Variants in UBE2E2 observed in about 807,000 individuals in gnomAD.
UBE2E2 encodes the protein ubiquitin conjugating enzyme E2 E2, also known as ubiquitin-conjugating enzyme E2 E2.
In UBE2E2, 6 loss-of-function variants were observed where a neutral mutation model predicts 24.7. The observed-to-expected ratio is 0.24, with a 90% CI of 0.13 to 0.48. UBE2E2 has a LOEUF of 0.48. UBE2E2 is among the 20% of genes least tolerant of loss of function. UBE2E2 has a pLI of 0.99. For missense variants in UBE2E2, 169 were observed against 245.0 expected (o/e 0.69, Z 2.07); for synonymous variants, 104 against 83.6 (o/e 1.24, Z -1.33).
chr3:23,255,559 A>G (rs551597433), intron 3 of UBE2E2, among the ~76,000 whole-genome samples: 3 of 152,186 alleles, frequency 2.0e-5, no homozygotes, highest in Admixed American at 6.6e-5. Context: ...GGATTGAGAA[A>G]TAAAGTTGTA....
chr3:23,483,686 T>G (rs573357152), intron 3 of UBE2E2, among the ~76,000 whole-genome samples: 106 of 152,344 alleles, frequency 7.0e-4, no homozygotes, highest in African/African-American at 2.5e-3. Flanking sequence ...CAGTGCTGCT[T>G]CTTACTGGAC....
chr3:23,331,534 T>G (rs1017528087), intron 3 of UBE2E2, among the ~76,000 whole-genome samples: 4 of 151,616 alleles, frequency 2.6e-5, no homozygotes, highest in Admixed American at 2.6e-4. Context: ...TGATTTCAGA[T>G]AGGGTGATCA....
intron 3 of UBE2E2, among the ~76,000 whole-genome samples, chr3:23,325,220 G>GT (rs201629457): frequency 1.5e-4 from 22 of 150,870 alleles, no homozygotes; most frequent in Middle Eastern, 3.4e-3. Flanking sequence ...GCTATTGTGT[G>GT]TTTTTTTTTC....
rs1032703242 is a variant in UBE2E2, at chr3:23,339,733, C to G, written c.227+122421C>G. Among the ~76,000 whole-genome samples the G allele has an allele frequency of 5.3e-5, 8 of 151,896 alleles. No individual in the cohort carries two copies. The East Asian group carries it at 1.5e-3, about 29-fold the overall frequency. ...GGATTTTTTTTTAAATCTTCCCATT[C>G]TCTTAAACATTGTCTTGGGAACAGA... On this transcript the variant is annotated intron_variant, in intron 3 of 5. Coordinates refer to ENST00000396703, the MANE Select transcript of UBE2E2 (RefSeq NM_152653.4).
chr3:23,268,771 C>G (rs1698139465), intron 3 of UBE2E2, among the ~76,000 whole-genome samples: 1 of 148,956 alleles, frequency 6.7e-6, no homozygotes, highest in Non-Finnish European at 1.5e-5. Flanking sequence ...AAGAACGAAG[C>G]TGGAGGCATC....
At chr3:23,255,079 CTTTTTTTTTTTTT>C (rs202015038) in intron 3 of UBE2E2, among the ~76,000 whole-genome samples, 8 of 85,948 alleles carry the variant, frequency 9.3e-5, no homozygotes, top group Non-Finnish European at 1.5e-4. Context: ...GAGTAACTTC[CTTTTTTTTTTTTT>C]TTTTTTTTTT....
intron 3 of UBE2E2, among the ~76,000 whole-genome samples, chr3:23,239,241 C>A (rs1697195187): frequency 6.6e-6 from 1 of 152,096 alleles, no homozygotes; most frequent in East Asian, 1.9e-4. Flanking sequence ...TTGTCTCATG[C>A]CCTAAGAAGG....
At chr3:23,566,473 A>G (rs540344815) in intron 5 of UBE2E2, among the ~76,000 whole-genome samples, 12 of 152,306 alleles carry the variant, frequency 7.9e-5, no homozygotes, top group African/African-American at 1.4e-4. Flanking sequence ...TTGCATTGCT[A>G]TAAAGGAATA....
intron 3 of UBE2E2, among the ~76,000 whole-genome samples, chr3:23,344,709 T>C (rs1051421039): frequency 3.3e-5 from 5 of 151,482 alleles, no homozygotes; most frequent in African/African-American, 7.3e-5. Context: ...ATAATATATA[T>C]ATATACACAT....
Position 23,495,716 on chromosome 3 carries a change from A to C in UBE2E2, c.228-3892A>C, listed in dbSNP as rs188257547. 3.1e-4 allele frequency among the ~76,000 whole-genome samples: 47 copies of C among 152,296 alleles called. No individual in the cohort carries two copies. The South Asian group carries it at 6.8e-3, about 22-fold the overall frequency. ...TCTGAGTGAGTGAGCTTGTCTGGCA[A>C]CAAGAGGCTGTTGTTGCCAAAGCTT... On this transcript the variant is annotated intron_variant, in intron 3 of 5. Coordinates refer to ENST00000396703, the MANE Select transcript of UBE2E2 (RefSeq NM_152653.4).
chr3:23,472,874 A>G (rs1346255869), intron 3 of UBE2E2, among the ~76,000 whole-genome samples: 2 of 151,908 alleles, frequency 1.3e-5, no homozygotes, highest in Non-Finnish European at 2.9e-5. Flanking sequence ...GCTGGTCTCA[A>G]ACTCCTGGGC....
chr3:23,545,898 G>T (rs1191251924), intron 5 of UBE2E2, among the ~76,000 whole-genome samples: 1 of 152,144 alleles, frequency 6.6e-6, no homozygotes, highest in South Asian at 2.1e-4. Flanking sequence ...TCTAAGTGAA[G>T]TAACTCAGGA....
At chr3:23,251,908 T>C (rs1037730746) in intron 3 of UBE2E2, among the ~76,000 whole-genome samples, 1 of 152,216 alleles carries the variant, frequency 6.6e-6, no homozygotes, top group East Asian at 1.9e-4. Flanking sequence ...CCAGTGCTGC[T>C]AACCTCATCA....
intron 3 of UBE2E2, among the ~76,000 whole-genome samples, chr3:23,498,179 T>G (rs577234806): frequency 6.6e-6 from 1 of 152,298 alleles, no homozygotes; most frequent in South Asian, 2.1e-4. Context: ...TTGGTCACTT[T>G]TATATGATCC....
intron 3 of UBE2E2, among the ~76,000 whole-genome samples, chr3:23,374,694 C>A (rs1005361310): frequency 6.6e-6 from 1 of 152,210 alleles, no homozygotes; most frequent in Non-Finnish European, 1.5e-5. Context: ...GCTAACTACA[C>A]CACAGTATAC....
At chr3:23,498,207 G>T (rs954246814) in intron 3 of UBE2E2, among the ~76,000 whole-genome samples, 1 of 151,830 alleles carries the variant, frequency 6.6e-6, no homozygotes, top group Non-Finnish European at 1.5e-5. Context: ...TTTTCTGTTT[G>T]CAGCTTGCCT....
chr3:23,491,500 C>G (rs1019823477), intron 3 of UBE2E2, among the ~76,000 whole-genome samples: 1 of 152,140 alleles, frequency 6.6e-6, no homozygotes, highest in Admixed American at 6.5e-5. Context: ...AACTAGGGGT[C>G]AAATAGAATG....
chr3:23,443,607 C>T lies in UBE2E2; in HGVS notation c.228-56001C>T, dbSNP rs144142974. On this transcript the variant is annotated intron_variant, in intron 3 of 5. Coordinates refer to ENST00000396703, the MANE Select transcript of UBE2E2 (RefSeq NM_152653.4). Reference sequence around the variant, plus strand: ...AGTGGGGAATCCAAAGCAGCGTCAACGCAGATGCCATAGAGTACAAGGCAA... The same window carrying T: ...AGTGGGGAATCCAAAGCAGCGTCAATGCAGATGCCATAGAGTACAAGGCAA... Among the ~76,000 whole-genome samples, 266 of 152,272 alleles carry T rather than the reference C, an allele frequency of 1.7e-3. 1 individual carries two copies. The highest frequency in any genetic ancestry group is 6.0e-3 in the African/African-American group (251 of 41,540).
chr3:23,454,491 C>A (rs1460026622), intron 3 of UBE2E2, among the ~76,000 whole-genome samples: 1 of 152,128 alleles, frequency 6.6e-6, no homozygotes, highest in Non-Finnish European at 1.5e-5. Context: ...TACCTTGTAT[C>A]TTTAGTCTCA....
Sources: gnomAD v4.1 joint callset for allele counts (sites outside exome capture counted in the v4.1 genomes callset) on GRCh38, gnomAD v4.1.1 for gene constraint, MANE v1.5 for transcripts, NCBI Gene and HGNC (gene_info 2026-07-23, HGNC 2026-07-21) for gene names.